The following GRM8 variants were observed in gnomAD, a reference collection of about 807,000 sequenced individuals.
GRM8 encodes metabotropic glutamate receptor 8.
GRM8 carries 47 observed loss-of-function variants against 87.2 expected under a neutral mutation model. The ratio of observed to expected loss-of-function variants is 0.54; its 90% CI spans 0.43 to 0.69. The LOEUF is 0.69. GRM8 is among the 30% of genes least tolerant of loss of function. The pLI is 0.00. For synonymous variants in GRM8, 396 were observed against 404.5 expected (o/e 0.98, Z 0.25); for missense variants, 1,019 against 1,139.2 (o/e 0.89, Z 1.52).
chr7:126,678,194 T>C (rs960768172), intron 7 of GRM8, among the ~76,000 whole-genome samples: 7 of 152,218 alleles, frequency 4.6e-5, no homozygotes, highest in African/African-American at 1.7e-4. Flanking sequence ...CTTTGTAAAC[T>C]TCTTCTGAAG....
At chr7:127,030,123 T>A (rs373482049) in intron 3 of GRM8, among the ~76,000 whole-genome samples, 3 of 152,138 alleles carry the variant, frequency 2.0e-5, no homozygotes, top group East Asian at 3.9e-4. Flanking sequence ...TGGCGATGAT[T>A]CTTTTGCCTT....
At chr7:127,037,442 A>G (rs1362369338) in intron 3 of GRM8, among the ~76,000 whole-genome samples, 5 of 152,024 alleles carry the variant, frequency 3.3e-5, no homozygotes. Flanking sequence ...TCCCTCCCCC[A>G]ACCTCACTTC....
chr7:126,805,778 C>T (rs1335023720), intron 6 of GRM8, among the ~76,000 whole-genome samples: 8 of 152,160 alleles, frequency 5.3e-5, no homozygotes, highest in African/African-American at 1.9e-4. Context: ...TTATTTCATT[C>T]TTCTGTGTCG....
chr7:127,236,955 G>A lies in GRM8; in HGVS notation c.510+5740C>T, dbSNP rs566801260. On this transcript the variant is annotated intron_variant, in intron 2 of 10. Coordinates refer to ENST00000339582, the MANE Select transcript of GRM8 (RefSeq NM_000845.3). ...CAAGTAGGTAAACAACTACAACCCA[G>A]TGAGAGAGACATTAAGGAGAGGAAG... is the stretch of plus-strand genomic sequence containing the variant. Among the ~76,000 whole-genome samples the A allele has an allele frequency of 2.2e-4, 34 of 152,292 alleles. No homozygotes were observed. The South Asian group carries it at 5.4e-3, about 24-fold the overall frequency.
intron 6 of GRM8, among the ~76,000 whole-genome samples, chr7:126,828,578 T>C (rs1306982181): frequency 1.3e-5 from 2 of 152,232 alleles, no homozygotes; most frequent in African/African-American, 4.8e-5. Context: ...TCATTTTTTA[T>C]TGCATCTATT....
chr7:127,040,456 G>A (rs554597976), intron 3 of GRM8, among the ~76,000 whole-genome samples: 2 of 152,270 alleles, frequency 1.3e-5, no homozygotes, highest in South Asian at 4.2e-4. Context: ...AGTTACCGAT[G>A]TGAAACTACA....
chr7:126,645,699 GAAAT>G (rs1163567985), intron 7 of GRM8, among the ~76,000 whole-genome samples: 1 of 152,186 alleles, frequency 6.6e-6, no homozygotes. Context: ...GAGGGAAAGA[GAAAT>G]AAAACATGGC....
At chr7:127,220,536 G>A (rs1454863310) in intron 2 of GRM8, among the ~76,000 whole-genome samples, 2 of 152,108 alleles carry the variant, frequency 1.3e-5, no homozygotes, top group African/African-American at 2.4e-5. Flanking sequence ...CCAAGCTGGA[G>A]TGCAGTGGTG....
chr7:126,660,027 A>G (rs1563068074), intron 7 of GRM8, among the ~76,000 whole-genome samples: 1 of 152,164 alleles, frequency 6.6e-6, no homozygotes, highest in Non-Finnish European at 1.5e-5. Flanking sequence ...TTTCTTCAAG[A>G]GGGGAGGCCT....
intron 9 of GRM8, among the ~76,000 whole-genome samples, chr7:126,472,148 C>A (rs1282708640): frequency 6.6e-6 from 1 of 152,184 alleles, no homozygotes; most frequent in African/African-American, 2.4e-5. Context: ...GACAATTTGA[C>A]TTCCTCTTTT....
chr7:126,735,514 G>GTTCT (rs1309433913), intron 7 of GRM8, among the ~76,000 whole-genome samples: 1 of 152,068 alleles, frequency 6.6e-6, no homozygotes, highest in African/African-American at 2.4e-5. Context: ...ACAGCAATTT[G>GTTCT]AGAGTAGCTA....
chr7:126,556,360 A>AT (rs1793135707), intron 8 of GRM8, among the ~76,000 whole-genome samples: 1 of 149,454 alleles, frequency 6.7e-6, no homozygotes. Context: ...AAAAAAAAAA[A>AT]AGTGGGCCAG....
At position 126,712,720 on chromosome 7, in the gene GRM8, C is replaced by A. The variant is rs183923554; in HGVS notation, c.1357+57145G>T. Among the ~76,000 whole-genome samples, 614 of 152,174 alleles carry A rather than the reference C, an allele frequency of 4.0e-3. 5 individuals are homozygous for A. Among genetic ancestry groups the A allele is most frequent in the Non-Finnish European group, 7.2e-3 (489 of 68,014 alleles). ...ATCCATCTGACAAAGGTCTAATATC[C>A]AGAATCTACAAGGAATTTAAACAAA... On this transcript the variant is annotated intron_variant, in intron 7 of 10. Transcript: ENST00000339582.
chr7:127,024,074 G>A (rs1816536526), intron 3 of GRM8, among the ~76,000 whole-genome samples: 1 of 152,050 alleles, frequency 6.6e-6, no homozygotes, highest in African/African-American at 2.4e-5. Context: ...TTTTTTAAAA[G>A]AGGGAATTTA....
intron 7 of GRM8, among the ~76,000 whole-genome samples, chr7:126,727,530 T>A (rs1293102288): frequency 6.6e-6 from 1 of 152,066 alleles, no homozygotes; most frequent in Non-Finnish European, 1.5e-5. Context: ...AACTTCCCCC[T>A]AAAATAACTA....
intron 7 of GRM8, among the ~76,000 whole-genome samples, chr7:126,753,286 T>C (rs1816632011): frequency 6.6e-6 from 1 of 151,894 alleles, no homozygotes; most frequent in African/African-American, 2.4e-5. Flanking sequence ...TTAAATTTTA[T>C]ATATATATGT....
At chr7:126,634,171 T>C (rs904524956) in intron 7 of GRM8, among the ~76,000 whole-genome samples, 2 of 152,148 alleles carry the variant, frequency 1.3e-5, no homozygotes, top group Non-Finnish European at 2.9e-5. Flanking sequence ...GGAAACACAC[T>C]GAATTAAAAA....
chr7:126,513,828 T>A (rs918314996), intron 9 of GRM8, among the ~76,000 whole-genome samples: 7 of 152,138 alleles, frequency 4.6e-5, no homozygotes, highest in African/African-American at 1.7e-4. Context: ...ATAGATTAAA[T>A]ACTGATTCCA....
chr7:126,832,607 A>C (rs1282650360), intron 6 of GRM8, among the ~76,000 whole-genome samples: 1 of 152,226 alleles, frequency 6.6e-6, no homozygotes, highest in African/African-American at 2.4e-5. Context: ...AAACATAGTC[A>C]TAGTACTAAG....
Sources: gnomAD v4.1 joint callset for allele counts (sites outside exome capture counted in the v4.1 genomes callset) on GRCh38, gnomAD v4.1.1 for gene constraint, MANE v1.5 for transcripts, NCBI Gene and HGNC (gene_info 2026-07-23, HGNC 2026-07-21) for gene names.